MCM9: variants seen among roughly 807,000 people sequenced by gnomAD.
MCM9 encodes the protein minichromosome maintenance 9 homologous recombination repair factor.
MCM9 carries 55 observed loss-of-function variants against 72.8 expected under a neutral mutation model. The observed-to-expected ratio is 0.76, with a 90% CI of 0.61 to 0.95. MCM9 has a LOEUF of 0.95. Ranked by LOEUF, MCM9 falls within the 40% of genes least tolerant of loss-of-function variation. MCM9 has a pLI of 0.00. For synonymous variants in MCM9, 480 were observed against 503.4 expected (o/e 0.95, Z 0.62); for missense variants, 1,279 against 1,377.0 (o/e 0.93, Z 1.13).
At chr6:118,928,414 A>G (rs1384294144) in intron 3 of MCM9, among the ~76,000 whole-genome samples, 2 of 152,124 alleles carry the variant, frequency 1.3e-5, no homozygotes, top group Non-Finnish European at 2.9e-5. Flanking sequence ...CCATCTCAAA[A>G]AAACAAAGAA....
intron 8 of MCM9, among the ~76,000 whole-genome samples, chr6:118,857,834 T>C (rs188976881): frequency 2.1e-4 from 32 of 152,222 alleles, no homozygotes; most frequent in African/African-American, 7.2e-4. Context: ...ACTTCCATAA[T>C]CCTTTATTTG....
chr6:118,875,638 AAAAATAATAATAATAATT>A (rs2114350253), intron 8 of MCM9, among the ~76,000 whole-genome samples: 1 of 109,320 alleles, frequency 9.1e-6, no homozygotes, highest in African/African-American at 3.7e-5. Flanking sequence ...CCTGTCTCAA[AAAAATAATAATAATAATT>A]AAAATAATAA....
At chr6:118,865,456 T>C (rs1396382731) in intron 8 of MCM9, among the ~76,000 whole-genome samples, 1 of 152,202 alleles carries the variant, frequency 6.6e-6, no homozygotes, top group East Asian at 1.9e-4. Context: ...GGGGTGGTCT[T>C]GAACAAGTGT....
chr6:118,835,484 A>G (rs1366814780), intron 9 of MCM9, among the ~76,000 whole-genome samples: 1 of 152,338 alleles, frequency 6.6e-6, no homozygotes, highest in Non-Finnish European at 1.5e-5. Context: ...ATCCATGAAC[A>G]TGGAATGTTT....
At chr6:118,839,357 A>C (rs1775195641) in intron 9 of MCM9, among the ~76,000 whole-genome samples, 1 of 151,980 alleles carries the variant, frequency 6.6e-6, no homozygotes, top group Non-Finnish European at 1.5e-5. Context: ...TCTTCCTTGC[A>C]CTGGGTTAGA....
intron 8 of MCM9, among the ~76,000 whole-genome samples, chr6:118,873,070 G>A (rs1777707006): frequency 6.6e-6 from 1 of 151,670 alleles, no homozygotes; most frequent in African/African-American, 2.4e-5. Context: ...TACTCAGGAG[G>A]CTGAGGTGAG....
intron 3 of MCM9, among the ~76,000 whole-genome samples, chr6:118,928,848 C>T (rs1457915405): frequency 6.7e-6 from 1 of 150,296 alleles, no homozygotes; most frequent in East Asian, 2.0e-4. Flanking sequence ...GAGTGAGACC[C>T]TGTCTCAAAA....
intron 6 of MCM9, among the ~76,000 whole-genome samples, chr6:118,916,479 GAC>G (rs1167676795): frequency 7.5e-6 from 1 of 132,456 alleles, no homozygotes; most frequent in Non-Finnish European, 1.7e-5. Flanking sequence ...ATTATTATGA[GAC>G]AGAGTCTCAC....
intron 8 of MCM9, among the ~76,000 whole-genome samples, chr6:118,870,373 T>C (rs1016915971): frequency 6.6e-6 from 1 of 152,094 alleles, no homozygotes; most frequent in Admixed American, 6.5e-5. Flanking sequence ...CAGTGGAAAT[T>C]AAGCAATATG....
In MCM9 at chr6:118,932,682, A is replaced by G. The variant is rs754402371; in HGVS notation, c.-91T>C. 181 of 901,848 alleles carry G rather than the reference A, an allele frequency of 2.0e-4. No individual in the cohort carries two copies. Among genetic ancestry groups the G allele is most frequent in the Non-Finnish European group, 2.2e-4 (165 of 753,838 alleles). The allele number at this position is 901,848 out of a possible 1,614,324, so 55.9% of individuals were successfully genotyped here. ...CTTAGAAATTCATACTTGGAAGTGAATTTGTTTCCTTCTTTCTCTTTCTTA... is the reference window on the plus strand; with the variant it reads ...CTTAGAAATTCATACTTGGAAGTGAGTTTGTTTCCTTCTTTCTCTTTCTTA... On this transcript the variant is annotated 5_prime_UTR_variant, in exon 2 of 14. Transcript: ENST00000619706.
chr6:118,825,359 G>A (rs900948996), intron 13 of MCM9, among the ~76,000 whole-genome samples: 5 of 152,320 alleles, frequency 3.3e-5, no homozygotes, highest in African/African-American at 1.2e-4. Flanking sequence ...GGAAGGCTGT[G>A]CTGAAGTTTC....
rs1454754493 is a variant in MCM9 at position 118,913,315 on chromosome 6, G to C, written c.1010C>G (p.Ala337Gly). 1 of 1,613,900 alleles carries C rather than the reference G, an allele frequency of 6.2e-7. No individual in the cohort carries two copies. The highest frequency in any genetic ancestry group is 8.5e-7 in the Non-Finnish European group (1 of 1,180,002). ...CTAACCTCTGACCCGTGTTCCTGTAGCATCAGTCCTTTGAATCCCACCAGC... is the reference window on the plus strand; with the variant it reads ...CTAACCTCTGACCCGTGTTCCTGTACCATCAGTCCTTTGAATCCCACCAGC... ...VLAGGIQRTD[A>G]TGTRVRGESH... Residue 337 changes from alanine (A) to glycine (G), a missense_variant, in exon 7 of 14, where the codon GCT becomes GGT. Transcript: ENST00000619706.
intron 2 of MCM9, among the ~76,000 whole-genome samples, chr6:118,932,105 C>T (rs11965951): frequency 0.58 from 88,305 of 152,072 alleles, 26,194 homozygotes; most frequent in East Asian, 0.69. Context: ...CATAAGATTA[C>T]AATACTGTAT....
At chr6:118,847,445 T>G (rs1343052946) in intron 9 of MCM9, among the ~76,000 whole-genome samples, 1 of 113,556 alleles carries the variant, frequency 8.8e-6, no homozygotes, top group Non-Finnish European at 1.9e-5. Context: ...AAAAAAGAAA[T>G]TAACATTTGA....
At chr6:118,896,590 T>C (rs916099583) in intron 8 of MCM9, among the ~76,000 whole-genome samples, 1 of 152,200 alleles carries the variant, frequency 6.6e-6, no homozygotes, top group Non-Finnish European at 1.5e-5. Context: ...AACATACTTA[T>C]TTCCAATGGT....
intron 8 of MCM9, among the ~76,000 whole-genome samples, chr6:118,903,289 G>T (rs1046134705): frequency 6.6e-6 from 1 of 152,144 alleles, no homozygotes; most frequent in Non-Finnish European, 1.5e-5. Context: ...CTGTGCAGGG[G>T]TGTGTAGAAT....
At chr6:118,904,533 C>T (rs961127813) in intron 8 of MCM9, among the ~76,000 whole-genome samples, 1 of 152,196 alleles carries the variant, frequency 6.6e-6, no homozygotes, top group Non-Finnish European at 1.5e-5. Flanking sequence ...CTGGCTCCTT[C>T]CATCCGGTCG....
At chr6:118,867,393 A>G (rs1489448674) in intron 8 of MCM9, among the ~76,000 whole-genome samples, 1 of 152,222 alleles carries the variant, frequency 6.6e-6, no homozygotes, top group African/African-American at 2.4e-5. Flanking sequence ...AAACAAATGT[A>G]CTGCTCCGTT....
chr6:118,848,909 A>G (rs794872), intron 9 of MCM9, among the ~76,000 whole-genome samples: 11,600 of 151,774 alleles, frequency 0.076, 782 homozygotes, highest in East Asian at 0.19. Context: ...GTGACAGAGC[A>G]AGACTTTGTT....
Sources: allele counts gnomAD v4.1 joint callset (sites outside exome capture counted in the v4.1 genomes callset), GRCh38; gene constraint gnomAD v4.1.1; transcripts MANE v1.5; gene names NCBI Gene and HGNC (gene_info 2026-07-23, HGNC 2026-07-21).